The following TTC13 variants were observed in gnomAD, a reference collection of about 807,000 sequenced individuals.
TTC13 encodes the protein tetratricopeptide repeat protein 13.
Under a neutral mutation model 120.0 loss-of-function variants are expected in TTC13, and 62 were observed. That is an observed-to-expected ratio of 0.52 (90% CI 0.42 to 0.64). TTC13 has a LOEUF of 0.64. TTC13 is among the 30% of genes least tolerant of loss of function. The pLI, the probability that TTC13 is intolerant of heterozygous loss-of-function variation, is 0.00. For missense variants in TTC13, 824 were observed against 1,050.2 expected, an observed-to-expected ratio of 0.78 and a Z score of 2.98; for synonymous variants, 384 against 393.5, an observed-to-expected ratio of 0.98 and a Z score of 0.28.
At chr1:230,971,891 C>A (rs1436745106) in intron 1 of TTC13, among the ~76,000 whole-genome samples, 1 of 152,152 alleles carries the variant, frequency 6.6e-6, no homozygotes, top group African/African-American at 2.4e-5. Context: ...ATCAGATGCT[C>A]AAAGTGACAC....
At chr1:230,966,977 C>T (rs754510913) in intron 1 of TTC13, among the ~76,000 whole-genome samples, 9 of 152,068 alleles carry the variant, frequency 5.9e-5, no homozygotes, top group East Asian at 5.8e-4. Flanking sequence ...GCTATGGCAC[C>T]GGGAGAGCAG....
intron 18 of TTC13, among the ~76,000 whole-genome samples, chr1:230,915,635 A>G (rs1671940131): frequency 6.6e-6 from 1 of 152,202 alleles, no homozygotes; most frequent in South Asian, 2.1e-4. Context: ...GTGATAATGT[A>G]ATGGTAAGGG....
At chr1:230,972,643 G>A (rs1389778861) in intron 1 of TTC13, among the ~76,000 whole-genome samples, 1 of 152,146 alleles carries the variant, frequency 6.6e-6, no homozygotes, top group Non-Finnish European at 1.5e-5. Context: ...CTACAGTCAT[G>A]CTCCAGGTAG....
At position 230,958,306 on chromosome 1, in the gene TTC13, A is replaced by G. The variant is rs746137631; in HGVS notation, c.367-7T>C. On this transcript the variant is annotated splice_region_variant and splice_polypyrimidine_tract_variant and intron_variant, in intron 2 of 22. Transcript: ENST00000366661. ...CAATAGACTTGGCCTGGCTCTGGGA[A>G]AAAAAAAAAAAAAACCCATACATTT... The G allele has an allele frequency of 2.6e-4, 189 of 734,178 alleles. No individual in the cohort carries two copies. The highest frequency in any genetic ancestry group is 7.6e-4 in the African/African-American group (26 of 34,328). 45.5% of individuals were successfully genotyped at this position (734,178 alleles called of 1,614,324 possible). A position where few individuals can be genotyped will look rare whatever the true frequency, so the allele number is the denominator to read the frequency against.
At chr1:230,973,654 A>C (rs72764542) in intron 1 of TTC13, among the ~76,000 whole-genome samples, 9,474 of 152,334 alleles carry the variant, frequency 0.062, 385 homozygotes, top group South Asian at 0.13. Context: ...GGAGAAAACA[A>C]AAGTATTTTT....
chr1:230,953,730 G>A (rs1456509826), intron 4 of TTC13, among the ~76,000 whole-genome samples: 1 of 152,128 alleles, frequency 6.6e-6, no homozygotes, highest in African/African-American at 2.4e-5. Flanking sequence ...CAAGATACAA[G>A]GCCAATGATG....
chr1:230,973,184 T>C (rs556787035), intron 1 of TTC13, among the ~76,000 whole-genome samples: 12 of 152,164 alleles, frequency 7.9e-5, no homozygotes, highest in Non-Finnish European at 1.5e-4. Context: ...AACTTCCTCA[T>C]AGAGCAAAAA....
chr1:230,962,777 C>A (rs1572281994), intron 1 of TTC13, among the ~76,000 whole-genome samples: 1 of 152,178 alleles, frequency 6.6e-6, no homozygotes, highest in Non-Finnish European at 1.5e-5. Flanking sequence ...ACTACTGATA[C>A]ACACTGCAAC....
chr1:230,960,709 T>C (rs1386867619), intron 2 of TTC13, among the ~76,000 whole-genome samples: 1 of 152,084 alleles, frequency 6.6e-6, no homozygotes, highest in Non-Finnish European at 1.5e-5. Flanking sequence ...ATCAGCTTCA[T>C]AGAGTTAAGT....
At position 230,978,764 on chromosome 1, in the gene TTC13, C is replaced by A; in HGVS notation, c.67G>T (p.Ala23Ser). ...WGGAVAAAGAARRVLLLLLLG... is the reference protein window; with the variant it reads ...WGGAVAAAGASRRVLLLLLLG... The stretch of plus-strand genomic sequence containing the variant: ...AGCAGCAGCAGCAGGACACGCCGGG[C>A]GGCGCCCGCGGCGGCCACAGCGCCG... Residue 23 changes from alanine to serine, a missense_variant, in exon 1 of 23, where the codon GCC becomes TCC. Transcript: ENST00000366661. This position sits in a 1 kb window ranked among gnomAD's most constrained non-coding sequence, Gnocchi z 5.6. 3 of 1,498,764 alleles carry A rather than the reference C, an allele frequency of 2.0e-6. No individual in the cohort carries two copies. Among genetic ancestry groups the A allele is most frequent in the Non-Finnish European group, 1.8e-6 (2 of 1,133,482 alleles). The allele number at this position is 1,498,764 out of a possible 1,614,324, so 92.8% of individuals were successfully genotyped here.
At chr1:230,910,502 A>T (rs1671395225) in intron 20 of TTC13, among the ~76,000 whole-genome samples, 3 of 152,134 alleles carry the variant, frequency 2.0e-5, no homozygotes, top group African/African-American at 7.2e-5. Flanking sequence ...AGAGAAACAG[A>T]AGTGTGGGAG....
chr1:230,921,924 C>T (rs904962037), intron 15 of TTC13, among the ~76,000 whole-genome samples: 2 of 152,210 alleles, frequency 1.3e-5, no homozygotes, highest in African/African-American at 4.8e-5. Flanking sequence ...CCTCTACCCA[C>T]TCGGAATACT....
intron 11 of TTC13, among the ~76,000 whole-genome samples, chr1:230,929,446 C>A (rs1673346423): frequency 6.6e-6 from 1 of 151,988 alleles, no homozygotes; most frequent in African/African-American, 2.4e-5. Context: ...TCCCGAGTAG[C>A]TGGGACTACA....
chr1:230,928,987 A>G lies in TTC13; in HGVS notation c.1407T>C (p.Pro469=). The G allele has an allele frequency of 6.2e-7, 1 of 1,614,210 alleles. No individual in the cohort carries two copies. The highest frequency in any genetic ancestry group is 1.6e-4 in the Middle Eastern group (1 of 6,062). The change falls in exon 12 of 23, where the codon CCT becomes CCC. Residue 469 remains proline, a synonymous_variant. Transcript: ENST00000366661. ...SFKDHWAKNL[P]FLIEDYEEQP... ...GCTCTTCGTAGTCTTCTATGAGGAA[A>G]GGCAAATTTTTAGCCCAGTGGTCCT...
At chr1:230,962,406 TCA>T (rs1676729130) in intron 1 of TTC13, among the ~76,000 whole-genome samples, 1 of 151,842 alleles carries the variant, frequency 6.6e-6, no homozygotes, top group Non-Finnish European at 1.5e-5. Context: ...AGGTACCTCT[TCA>T]CACACACACA....
chr1:230,962,123 T>C (rs924583633), intron 1 of TTC13, among the ~76,000 whole-genome samples: 6 of 151,564 alleles, frequency 4.0e-5, no homozygotes, highest in Non-Finnish European at 7.4e-5. Flanking sequence ...GGCAGGAGAA[T>C]CGCTTGAACC....
chr1:230,953,525 CA>C (rs1344403861), intron 4 of TTC13, among the ~76,000 whole-genome samples: 4 of 152,034 alleles, frequency 2.6e-5, no homozygotes, highest in Non-Finnish European at 5.9e-5. Context: ...TCATTTAAAC[CA>C]AAAAAGAATT....
In TTC13 at chr1:230,978,772, G is replaced by A; in HGVS notation, c.59C>T (p.Ala20Val). The change falls in exon 1 of 23, where the codon GCG becomes GTG. Residue 20 changes from alanine to valine, a missense_variant. Transcript: ENST00000366661. This position sits in a 1 kb window ranked among gnomAD's most constrained non-coding sequence, Gnocchi z 5.6. ...CAGCAGGACACGCCGGGCGGCGCCC[G>A]CGGCGGCCACAGCGCCGCCCCAGAA... ...CCFWGGAVAAAGAARRVLLLL... is the reference protein window; with the variant it reads ...CCFWGGAVAAVGAARRVLLLL... 1.3e-6 allele frequency: 2 copies of A among 1,498,498 alleles called. No individual in the cohort carries two copies. The highest frequency in any genetic ancestry group is 2.7e-5 in the East Asian group (1 of 36,862). The allele number at this position is 1,498,498 out of a possible 1,614,324, so 92.8% of individuals were successfully genotyped here.
At chr1:230,972,785 G>A (rs1475188678) in intron 1 of TTC13, among the ~76,000 whole-genome samples, 1 of 152,208 alleles carries the variant, frequency 6.6e-6, no homozygotes, top group Non-Finnish European at 1.5e-5. Flanking sequence ...AATTCTTAAT[G>A]ACAACAGATA....
Sources: gnomAD v4.1 joint callset for allele counts (sites outside exome capture counted in the v4.1 genomes callset) on GRCh38, gnomAD v4.1.1 for gene constraint, Gnocchi (gnomAD v3.1) non-coding constraint, MANE v1.5 for transcripts, NCBI Gene and HGNC (gene_info 2026-07-23, HGNC 2026-07-21) for gene names.